CLSTN2: variants seen among roughly 807,000 people sequenced by gnomAD.
CLSTN2 encodes the protein calsyntenin 2, also known as calsyntenin-2.
In CLSTN2, 48 loss-of-function variants were observed where a neutral mutation model predicts 101.2. The ratio of observed to expected loss-of-function variants is 0.47; its 90% CI spans 0.38 to 0.60. The LOEUF (loss-of-function observed/expected upper bound fraction) is 0.60. Ranked by LOEUF, CLSTN2 falls within the 20% of genes least tolerant of loss-of-function variation. CLSTN2 has a pLI of 0.00. For synonymous variants in CLSTN2, 481 were observed against 463.6 expected, an observed-to-expected ratio of 1.04 and a Z score of -0.48; for missense variants, 1,160 against 1,238.2, an observed-to-expected ratio of 0.94 and a Z score of 0.95.
chr3:140,551,968 T>C (rs572344592), intron 10 of CLSTN2, among the ~76,000 whole-genome samples: 12 of 152,054 alleles, frequency 7.9e-5, no homozygotes, highest in Non-Finnish European at 7.4e-5. Context: ...CTCAGAGAAA[T>C]GGTTCAGCTG....
At chr3:140,498,399 G>C (rs1934510264) in intron 8 of CLSTN2, among the ~76,000 whole-genome samples, 1 of 152,118 alleles carries the variant, frequency 6.6e-6, no homozygotes, top group Non-Finnish European at 1.5e-5. Flanking sequence ...CCATCCCTGG[G>C]CAGCAGCTGG....
intron 2 of CLSTN2, among the ~76,000 whole-genome samples, chr3:140,184,070 A>G (rs1408749317): frequency 2.0e-5 from 3 of 152,130 alleles, no homozygotes; most frequent in African/African-American, 7.2e-5. Flanking sequence ...GGGCTTGTTT[A>G]TGTCTCCACC....
chr3:140,021,993 G>C (rs556447655), intron 1 of CLSTN2, among the ~76,000 whole-genome samples: 5 of 152,318 alleles, frequency 3.3e-5, no homozygotes, highest in African/African-American at 9.6e-5. Context: ...TTTTCTGACA[G>C]GAAGTCACCT....
chr3:140,363,591 C>A (rs980907956), intron 2 of CLSTN2, among the ~76,000 whole-genome samples: 29 of 130,120 alleles, frequency 2.2e-4, no homozygotes, highest in African/African-American at 7.4e-4. Context: ...AAATGCTGGG[C>A]AGTCAGAGGG....
At chr3:140,459,471 G>C (rs1243048628) in intron 6 of CLSTN2, 50 bp from the exon 7 acceptor site, 1 of 1,601,620 alleles carries the variant, frequency 6.2e-7, no homozygotes, top group South Asian at 1.1e-5. Flanking sequence ...GAAAACAGAT[G>C]AGGACACCGC....
At chr3:140,262,685 C>A (rs1559822582) in intron 2 of CLSTN2, among the ~76,000 whole-genome samples, 1 of 151,936 alleles carries the variant, frequency 6.6e-6, no homozygotes, top group Non-Finnish European at 1.5e-5. Flanking sequence ...GAAGGTAGTG[C>A]AGTTTTCAGG....
At chr3:140,053,227 C>T (rs1279675747) in intron 1 of CLSTN2, among the ~76,000 whole-genome samples, 6 of 152,340 alleles carry the variant, frequency 3.9e-5, no homozygotes, top group Admixed American at 2.6e-4. Context: ...TTTCACGCTT[C>T]TGGCTCTTCA....
At chr3:140,465,846 T>A (rs577440788) in intron 7 of CLSTN2, among the ~76,000 whole-genome samples, 1 of 152,332 alleles carries the variant, frequency 6.6e-6, no homozygotes, top group South Asian at 2.1e-4. Context: ...ACCAACATTA[T>A]GGAACACGCG....
At chr3:140,404,307 G>C (rs578117972) in intron 3 of CLSTN2, among the ~76,000 whole-genome samples, 1 of 152,356 alleles carries the variant, frequency 6.6e-6, no homozygotes, top group East Asian at 1.9e-4. Context: ...TAAACCTGTT[G>C]CCTAAAGCTG....
chr3:139,947,072 C>T (rs917621325), intron 1 of CLSTN2, among the ~76,000 whole-genome samples: 4 of 152,222 alleles, frequency 2.6e-5, no homozygotes, highest in Admixed American at 6.5e-5. Flanking sequence ...CTATATTCCA[C>T]AAACCAGTCT....
At chr3:140,484,077 G>A (rs1478004232) in intron 8 of CLSTN2, among the ~76,000 whole-genome samples, 2 of 152,122 alleles carry the variant, frequency 1.3e-5, no homozygotes, top group Non-Finnish European at 2.9e-5. Flanking sequence ...TTACAATTTG[G>A]CATGTTTTTG....
At chr3:140,034,287 C>G (rs2007613096) in intron 1 of CLSTN2, among the ~76,000 whole-genome samples, 1 of 152,072 alleles carries the variant, frequency 6.6e-6, no homozygotes, top group African/African-American at 2.4e-5. Context: ...GAGAGGGAGT[C>G]TATGGTAGTG....
At chr3:140,415,936 G>C (rs1576555370) in intron 4 of CLSTN2, among the ~76,000 whole-genome samples, 1 of 152,176 alleles carries the variant, frequency 6.6e-6, no homozygotes, top group Non-Finnish European at 1.5e-5. Context: ...CAATAGCAAA[G>C]ATGCAGAAAC....
At chr3:140,350,861 G>A (rs898347706) in intron 2 of CLSTN2, among the ~76,000 whole-genome samples, 2 of 152,152 alleles carry the variant, frequency 1.3e-5, no homozygotes, top group Non-Finnish European at 2.9e-5. Flanking sequence ...CAAAAATCTA[G>A]TTAAGTGTTT....
At chr3:140,275,996 T>C (rs1410432398) in intron 2 of CLSTN2, among the ~76,000 whole-genome samples, 2 of 152,148 alleles carry the variant, frequency 1.3e-5, no homozygotes, top group African/African-American at 4.8e-5. Context: ...TGACTAGCAC[T>C]GGGGCACTAG....
intron 1 of CLSTN2, among the ~76,000 whole-genome samples, chr3:139,981,320 G>A (rs1935917823): frequency 6.6e-6 from 1 of 152,164 alleles, no homozygotes; most frequent in South Asian, 2.1e-4. Context: ...TAGGCAGTAG[G>A]GACACAGGTA....
intron 2 of CLSTN2, among the ~76,000 whole-genome samples, chr3:140,324,780 G>A (rs57683496): frequency 0.03 from 4,569 of 152,262 alleles, 208 homozygotes; most frequent in African/African-American, 0.1. Flanking sequence ...AAATCCTTAC[G>A]TCTCATGCAT....
rs1211206489 is a variant in CLSTN2 at position 140,548,670 on chromosome 3, G to T, written c.1674+1989G>T. On this transcript the variant is annotated intron_variant, in intron 10 of 16. Transcript: ENST00000458420. ...CTGAGGAATAGCACAGTATTCACTA[G>T]AACTTCAACAAAGCCAGTGTTATGA... 2.6e-3 allele frequency among the ~76,000 whole-genome samples: 392 copies of T among 152,362 alleles called. 3 individuals are homozygous for T. Among genetic ancestry groups the T allele is most frequent in the African/African-American group, 9.0e-3 (374 of 41,578 alleles).
chr3:140,487,634 G>A (rs1934266765), intron 8 of CLSTN2, among the ~76,000 whole-genome samples: 1 of 152,210 alleles, frequency 6.6e-6, no homozygotes, highest in Admixed American at 6.5e-5. Flanking sequence ...TCATGGGAAA[G>A]ACAGAACTCT....
Sources: allele counts gnomAD v4.1 joint callset (sites outside exome capture counted in the v4.1 genomes callset), GRCh38; gene constraint gnomAD v4.1.1; transcripts MANE v1.5; gene names NCBI Gene and HGNC (gene_info 2026-07-23, HGNC 2026-07-21).